Variants in MECOM observed in about 807,000 individuals in gnomAD.
MECOM encodes histone-lysine N-methyltransferase MECOM.
Under a neutral mutation model 116.3 loss-of-function variants are expected in MECOM, and 13 were observed. The observed-to-expected ratio is 0.11, with a 90% CI of 0.07 to 0.18. The LOEUF is 0.18. Among genes scored for constraint, MECOM ranks in the 10% least tolerant of loss-of-function variants. The pLI, the probability that MECOM is intolerant of heterozygous loss-of-function variation, is 1.00. For synonymous variants in MECOM, 528 were observed against 535.2 expected (o/e 0.99, Z 0.19); for missense variants, 1,299 against 1,509.0 (o/e 0.86, Z 2.31).
chr3:169,446,533 G>A (rs1353101084), intron 1 of MECOM, among the ~76,000 whole-genome samples: 2 of 152,052 alleles, frequency 1.3e-5, no homozygotes, highest in African/African-American at 2.4e-5. Context: ...CACTCTCCAC[G>A]CTACACAAAT....
chr3:169,159,398 A>G (rs922106396), intron 2 of MECOM, among the ~76,000 whole-genome samples: 1 of 152,074 alleles, frequency 6.6e-6, no homozygotes, highest in Non-Finnish European at 1.5e-5. Flanking sequence ...TCTCTACTAA[A>G]AATACAAAAA....
In MECOM at chr3:169,505,629, A is replaced by G. The variant is rs77185351; in HGVS notation, c.38-124105T>C. ...TTCTTAAGAAAATTTCAAGTATGCA[A>G]TACAATATTGCTAACTATAGTCATC... On this transcript the variant is annotated intron_variant, in intron 1 of 16. Transcript: ENST00000651503. Among the ~76,000 whole-genome samples the G allele has an allele frequency of 0.018, 2,782 of 152,310 alleles. 251 individuals are homozygous for G. In the East Asian group the frequency reaches 0.3, roughly 16 times the overall value.
At chr3:169,604,931 G>A (rs1388511390) in intron 1 of MECOM, among the ~76,000 whole-genome samples, 1 of 152,122 alleles carries the variant, frequency 6.6e-6, no homozygotes, top group Non-Finnish European at 1.5e-5. Context: ...ACCCATCGCA[G>A]CATGAATCCT....
chr3:169,399,819 T>G (rs1735589947), intron 1 of MECOM, among the ~76,000 whole-genome samples: 4 of 152,182 alleles, frequency 2.6e-5, no homozygotes, highest in Admixed American at 2.0e-4. Flanking sequence ...AAGTGACACC[T>G]ATTAAAAGAG....
At chr3:169,291,683 G>T (rs990738798) in intron 2 of MECOM, among the ~76,000 whole-genome samples, 1 of 152,136 alleles carries the variant, frequency 6.6e-6, no homozygotes, top group African/African-American at 2.4e-5. Flanking sequence ...TTGAAAGTGG[G>T]CTCTATTTCA....
chr3:169,143,615 C>A (rs1738803579), intron 3 of MECOM, 83 bp downstream of exon 3: 2 of 1,360,834 alleles, frequency 1.5e-6, no homozygotes, highest in Non-Finnish European at 2.0e-6. Context: ...GGGTCTACTG[C>A]AGCTTACTGT....
chr3:169,479,582 C>G (rs1429901004), intron 1 of MECOM, among the ~76,000 whole-genome samples: 2 of 147,082 alleles, frequency 1.4e-5, no homozygotes, highest in African/African-American at 5.0e-5. Flanking sequence ...AAGCAGATAT[C>G]AGCCAATGTG....
intron 1 of MECOM, chr3:169,447,742 G>T (rs1237593346): frequency 6.6e-6 from 1 of 152,214 alleles, no homozygotes; most frequent in Non-Finnish European, 1.5e-5. Context: ...AGACTGGAAA[G>T]GCTACACACC....
At position 169,370,458 on chromosome 3, in the gene MECOM, G is replaced by T. The variant is rs9878492; in HGVS notation, c.375+10729C>A. 6.1e-3 allele frequency among the ~76,000 whole-genome samples: 930 copies of T among 151,892 alleles called. 9 individuals carry two copies. Among genetic ancestry groups the T allele is most frequent in the African/African-American group, 0.022 (903 of 41,462 alleles). ...TATAGGAGAAAGACTCCATGACATT[G>T]GTCTTGGCAATAATTTTTTTTAATA... is the stretch of plus-strand genomic sequence containing the variant. On this transcript the variant is annotated intron_variant, in intron 2 of 16. Coordinates refer to ENST00000651503, the MANE Select transcript of MECOM (RefSeq NM_004991.4).
intron 1 of MECOM, among the ~76,000 whole-genome samples, chr3:169,596,191 A>G (rs1767116562): frequency 6.6e-6 from 1 of 152,200 alleles, no homozygotes; most frequent in African/African-American, 2.4e-5. Context: ...TATACTTCCG[A>G]GAGATGTGCA....
At chr3:169,248,978 C>T (rs1167197647) in intron 2 of MECOM, among the ~76,000 whole-genome samples, 1 of 152,244 alleles carries the variant, frequency 6.6e-6, no homozygotes, top group East Asian at 1.9e-4. Flanking sequence ...ATTACAAGTA[C>T]GTTCATCTCT....
chr3:169,197,082 A>G (rs1748504073), intron 2 of MECOM, among the ~76,000 whole-genome samples: 1 of 152,050 alleles, frequency 6.6e-6, no homozygotes, highest in South Asian at 2.1e-4. Context: ...CAAATACTGC[A>G]TGTTTTCACT....
At chr3:169,159,186 T>C (rs1366287017) in intron 2 of MECOM, among the ~76,000 whole-genome samples, 5 of 152,224 alleles carry the variant, frequency 3.3e-5, no homozygotes, top group Admixed American at 3.3e-4. Flanking sequence ...CCTTCTGATG[T>C]TACACCCTTG....
intron 2 of MECOM, among the ~76,000 whole-genome samples, chr3:169,344,430 G>A (rs1465312376): frequency 1.3e-5 from 2 of 152,002 alleles, no homozygotes; most frequent in East Asian, 1.9e-4. Flanking sequence ...GTGCTCAAGC[G>A]GGACAAATAA....
chr3:169,570,637 C>T (rs1227088178), intron 1 of MECOM, among the ~76,000 whole-genome samples: 1 of 152,142 alleles, frequency 6.6e-6, no homozygotes, highest in Admixed American at 6.5e-5. Context: ...AAAGCTTATC[C>T]ACCACGATCA....
At chr3:169,467,419 T>A (rs1271483355) in intron 1 of MECOM, among the ~76,000 whole-genome samples, 1 of 152,006 alleles carries the variant, frequency 6.6e-6, no homozygotes, top group East Asian at 1.9e-4. Flanking sequence ...AGACTGCAAG[T>A]GAGGAAAGCA....
chr3:169,318,686 C>A (rs1720233136), intron 2 of MECOM, among the ~76,000 whole-genome samples: 1 of 152,126 alleles, frequency 6.6e-6, no homozygotes, highest in South Asian at 2.1e-4. Flanking sequence ...TAAATTAGTT[C>A]AACCATTGTG....
rs566237332 is a variant in MECOM at position 169,241,161 on chromosome 3, T to A, written c.376-97329A>T. On this transcript the variant is annotated intron_variant, in intron 2 of 16. Transcript: ENST00000651503. ...TTGATAGGCAAAGATCTATTAAAAA[T>A]CACTGTTGATATTTTGTGACCATAG... is the stretch of plus-strand genomic sequence containing the variant. Among the ~76,000 whole-genome samples the A allele has an allele frequency of 3.3e-5, 5 of 152,298 alleles. No homozygotes were observed. The East Asian group carries it at 9.7e-4, about 29-fold the overall frequency.
At chr3:169,185,706 T>C (rs1209696726) in intron 2 of MECOM, among the ~76,000 whole-genome samples, 1 of 152,202 alleles carries the variant, frequency 6.6e-6, no homozygotes, top group African/African-American at 2.4e-5. Context: ...GATTTACTAT[T>C]CTATCATTCA....
Sources: allele counts gnomAD v4.1 joint callset (sites outside exome capture counted in the v4.1 genomes callset), GRCh38; gene constraint gnomAD v4.1.1; transcripts MANE v1.5; gene names NCBI Gene and HGNC (gene_info 2026-07-23, HGNC 2026-07-21).